The following BCL2 variants were observed in gnomAD, a reference collection of about 807,000 sequenced individuals.
BCL2 encodes the protein BCL2 apoptosis regulator.
BCL2 carries 1 observed loss-of-function variant against 14.2 expected under a neutral mutation model. The observed-to-expected ratio is 0.07, with a 90% CI of 0.02 to 0.33. BCL2 has a LOEUF of 0.33. Among genes scored for constraint, BCL2 ranks in the 10% least tolerant of loss-of-function variants. The pLI, the probability that BCL2 is intolerant of heterozygous loss-of-function variation, is 0.99. For missense variants in BCL2, 247 were observed against 305.9 expected (o/e 0.81, Z 1.44); for synonymous variants, 151 against 137.2 (o/e 1.10, Z -0.70).
At chr18:63,260,857 A>T (rs986173837) in intron 2 of BCL2, among the ~76,000 whole-genome samples, 1 of 152,236 alleles carries the variant, frequency 6.6e-6, no homozygotes, top group African/African-American at 2.4e-5. Flanking sequence ...GAAAAAAAAT[A>T]GGGCAAAACA....
At chr18:63,302,062 G>A (rs940004305) in intron 2 of BCL2, among the ~76,000 whole-genome samples, 3 of 152,088 alleles carry the variant, frequency 2.0e-5, no homozygotes, top group African/African-American at 7.2e-5. Flanking sequence ...GGTGGCTCAC[G>A]CCTGTAATCC....
chr18:63,169,972 C>T (rs1185081514), intron 2 of BCL2, among the ~76,000 whole-genome samples: 2 of 152,098 alleles, frequency 1.3e-5, no homozygotes, highest in Admixed American at 1.3e-4. Context: ...AACAAGCAAA[C>T]TCATGTCATC....
intron 2 of BCL2, among the ~76,000 whole-genome samples, chr18:63,155,286 C>T (rs1914748033): frequency 1.3e-5 from 2 of 152,178 alleles, no homozygotes; most frequent in African/African-American, 2.4e-5. Context: ...GGCCACAGCA[C>T]GTCTCCTGGC....
intron 2 of BCL2, among the ~76,000 whole-genome samples, chr18:63,235,557 T>A (rs1282276966): frequency 2.6e-5 from 4 of 151,866 alleles, no homozygotes; most frequent in South Asian, 2.1e-4. Flanking sequence ...AATATATATA[T>A]ATAGTTTAAG....
intron 2 of BCL2, chr18:63,314,851 A>G (rs962347766): frequency 1.1e-4 from 17 of 152,258 alleles, no homozygotes; most frequent in Admixed American, 5.2e-4. Context: ...AATATAAACT[A>G]TATAACTACT....
In BCL2 at chr18:63,125,953, G is replaced by GAAC. The variant is rs911733706; in HGVS notation, c.*2669_*2671dup. 3.8e-5 allele frequency: 8 copies of GAAC among 211,424 alleles called. No homozygotes were observed. Among genetic ancestry groups the GAAC allele is most frequent in the Non-Finnish European group, 6.7e-5 (7 of 103,884 alleles). The allele number at this position is 211,424 out of a possible 1,614,324, so 13.1% of individuals were successfully genotyped here. A position where few individuals can be genotyped will look rare whatever the true frequency, so the allele number is the denominator to read the frequency against. The stretch of plus-strand genomic sequence containing the variant: ...TTCAAATACTCTGTGAATCCCGTTT[G>GAAC]AACAACAACAAAAGACAAAACAGGC... On this transcript the variant is annotated 3_prime_UTR_variant, in exon 3 of 3. Transcript: ENST00000333681.
chr18:63,224,390 A>G (rs1910490101), intron 2 of BCL2, among the ~76,000 whole-genome samples: 1 of 152,224 alleles, frequency 6.6e-6, no homozygotes, highest in South Asian at 2.1e-4. Flanking sequence ...GACAGGAAAA[A>G]TCAGAGGTTC....
At chr18:63,201,999 GA>G (rs1295321677) in intron 2 of BCL2, among the ~76,000 whole-genome samples, 1 of 151,932 alleles carries the variant, frequency 6.6e-6, no homozygotes, top group Non-Finnish European at 1.5e-5. Context: ...ATTCTACAAT[GA>G]AAAAAAGGAA....
At chr18:63,166,930 T>C (rs764546878) in intron 2 of BCL2, among the ~76,000 whole-genome samples, 2 of 152,142 alleles carry the variant, frequency 1.3e-5, no homozygotes, top group Non-Finnish European at 2.9e-5. Flanking sequence ...CTGGGCTAGA[T>C]GCTGAGACTA....
chr18:63,223,406 A>G (rs2144164580), intron 2 of BCL2, among the ~76,000 whole-genome samples: 1 of 119,010 alleles, frequency 8.4e-6, no homozygotes, highest in South Asian at 3.1e-4. Context: ...TTTCAAAAAA[A>G]AAAAATAAAT....
chr18:63,222,503 T>C (rs1267303452), intron 2 of BCL2, among the ~76,000 whole-genome samples: 2 of 151,608 alleles, frequency 1.3e-5, no homozygotes, highest in African/African-American at 4.9e-5. Flanking sequence ...ATTATAGTGA[T>C]AAAGACTAAA....
intron 2 of BCL2, among the ~76,000 whole-genome samples, chr18:63,268,965 T>A (rs1911922026): frequency 1.3e-5 from 2 of 152,008 alleles, no homozygotes; most frequent in East Asian, 1.9e-4. Context: ...ATTTTTTTTT[T>A]AAATACAGAG....
intron 2 of BCL2, among the ~76,000 whole-genome samples, chr18:63,202,207 C>T (rs930956441): frequency 6.6e-6 from 1 of 152,002 alleles, no homozygotes; most frequent in Non-Finnish European, 1.5e-5. Flanking sequence ...TACTTGGGTG[C>T]CTGAGGCAGG....
rs1317915073 is a variant in BCL2 at position 63,128,583 on chromosome 18, A to C, written c.*42T>G. 1.3e-6 allele frequency: 1 copy of C among 774,726 alleles called. No homozygotes were observed. The highest frequency in any genetic ancestry group is 2.4e-6 in the Non-Finnish European group (1 of 414,170). The allele number at this position is 774,726 out of a possible 1,614,324, so 48.0% of individuals were successfully genotyped here. A position where few individuals can be genotyped will look rare whatever the true frequency, so the allele number is the denominator to read the frequency against. On this transcript the variant is annotated 3_prime_UTR_variant, in exon 3 of 3. Transcript: ENST00000333681. The stretch of plus-strand genomic sequence containing the variant: ...CAATGCATATTATTTCTACTGCTTT[A>C]GTGAACCTTTTGCATATTTGTTTGG...
intron 2 of BCL2, among the ~76,000 whole-genome samples, chr18:63,222,273 CAAA>C (rs35852603): frequency 3.6e-5 from 3 of 83,298 alleles, no homozygotes; most frequent in Non-Finnish European, 2.4e-5. Flanking sequence ...GACTCCACCT[CAAA>C]AAAAAAAAAA....
rs1914603003 is a variant in BCL2 at position 63,149,795 on chromosome 18, A to T, written c.586-21036T>A. 6.6e-6 allele frequency among the ~76,000 whole-genome samples: 1 copy of T among 152,204 alleles called. No homozygotes were observed. Among genetic ancestry groups the T allele is most frequent in the South Asian group, 2.1e-4 (1 of 4,826 alleles). On this transcript the variant is annotated intron_variant, in intron 2 of 2. Transcript: ENST00000333681. The surrounding 1 kb of genome is among the most constrained non-coding windows in gnomAD (Gnocchi z 4.2). ...TCTAGTTTTTGTTTGGAACAAACAC[A>T]GTGCTTAATTATATGGCTCTCTACA...
Position 63,128,052 on chromosome 18 carries a change from C to A in BCL2, c.*573G>T, listed in dbSNP as rs983963948. The A allele has an allele frequency of 1.4e-4, 32 of 226,190 alleles. No individual in the cohort carries two copies. The highest frequency in any genetic ancestry group is 6.0e-4 in the African/African-American group (27 of 45,020). The allele number at this position is 226,190 out of a possible 1,614,324, so 14.0% of individuals were successfully genotyped here. On this transcript the variant is annotated 3_prime_UTR_variant, in exon 3 of 3. Transcript: ENST00000333681. ...CATGTGAGTCATATGCAAAGAGTCT[C>A]TTCTTCAGGCCAGGGAGGCATGGAC...
At chr18:63,222,316 AAAAAG>A (rs1227444039) in intron 2 of BCL2, among the ~76,000 whole-genome samples, 1 of 151,706 alleles carries the variant, frequency 6.6e-6, no homozygotes, top group East Asian at 1.9e-4. Context: ...GAAAGAAAGA[AAAAAG>A]AAACAAAGAA....
At chr18:63,275,234 CAA>C (rs967015967) in intron 2 of BCL2, among the ~76,000 whole-genome samples, 47 of 106,336 alleles carry the variant, frequency 4.4e-4, no homozygotes, top group Admixed American at 3.8e-4. Flanking sequence ...GACCCTGTCT[CAA>C]AAAAAAAAAA....
Sources: gnomAD v4.1 joint callset for allele counts (sites outside exome capture counted in the v4.1 genomes callset) on GRCh38, gnomAD v4.1.1 for gene constraint, Gnocchi (gnomAD v3.1) non-coding constraint, MANE v1.5 for transcripts, NCBI Gene and HGNC (gene_info 2026-07-23, HGNC 2026-07-21) for gene names.